The following TYW1 variants were observed in gnomAD, a reference collection of about 807,000 sequenced individuals.
The protein encoded by TYW1 is tRNA-yW synthesizing protein 1 homolog.
TYW1 carries 46 observed loss-of-function variants against 96.2 expected under a neutral mutation model. The observed-to-expected ratio is 0.48, with a 90% confidence interval of 0.38 to 0.61. TYW1 has a LOEUF of 0.61. Among genes scored for constraint, TYW1 ranks in the 20% least tolerant of loss-of-function variants. The pLI is 0.00. For missense variants in TYW1, 684 were observed against 909.6 expected (o/e 0.75, Z 3.19); for synonymous variants, 274 against 323.0 (o/e 0.85, Z 1.63).
At chr7:67,170,762 G>C (rs1799491683) in intron 13 of TYW1, among the ~76,000 whole-genome samples, 1 of 152,114 alleles carries the variant, frequency 6.6e-6, no homozygotes, top group Non-Finnish European at 1.5e-5. Flanking sequence ...TGTGTGTTAC[G>C]TGACTTGCTT....
intron 15 of TYW1, among the ~76,000 whole-genome samples, chr7:67,235,598 G>A (rs1801858709): frequency 6.6e-6 from 1 of 152,114 alleles, no homozygotes; most frequent in South Asian, 2.1e-4. Flanking sequence ...GATTTGTTAA[G>A]AGGTGAGGAA....
chr7:67,046,015 G>T (rs1321068363), intron 7 of TYW1, among the ~76,000 whole-genome samples: 2 of 152,190 alleles, frequency 1.3e-5, no homozygotes, highest in Non-Finnish European at 2.9e-5. Flanking sequence ...CTGGCAAGGA[G>T]ATAGGAAGAA....
intron 15 of TYW1, among the ~76,000 whole-genome samples, chr7:67,198,706 A>G (rs1471151117): frequency 6.6e-6 from 1 of 152,220 alleles, no homozygotes; most frequent in East Asian, 1.9e-4. Context: ...TCCCTAAAAC[A>G]GGTTTGTGAG....
chr7:67,190,003 G>T (rs1268136078), intron 14 of TYW1, among the ~76,000 whole-genome samples: 1 of 151,724 alleles, frequency 6.6e-6, no homozygotes, highest in Non-Finnish European at 1.5e-5. Flanking sequence ...ATTTGTAAAT[G>T]AAATACTGTC....
intron 15 of TYW1, among the ~76,000 whole-genome samples, chr7:67,211,298 T>C (rs1369586525): frequency 6.6e-6 from 1 of 151,872 alleles, no homozygotes; most frequent in Non-Finnish European, 1.5e-5. Flanking sequence ...TTTATGATAG[T>C]GTGAAAGCGA....
At chr7:67,063,844 C>T (rs1269681072) in intron 9 of TYW1, among the ~76,000 whole-genome samples, 5 of 143,300 alleles carry the variant, frequency 3.5e-5, no homozygotes, top group East Asian at 1.9e-4. Flanking sequence ...CCTTGTGATC[C>T]GCCCACCTCA....
intron 9 of TYW1, among the ~76,000 whole-genome samples, chr7:67,063,832 G>A (rs2115649853): frequency 1.3e-5 from 2 of 150,682 alleles, no homozygotes; most frequent in African/African-American, 4.9e-5. Context: ...TTGATCTCCT[G>A]ACCTTGTGAT....
intron 13 of TYW1, among the ~76,000 whole-genome samples, chr7:67,180,424 A>ATATATATT (rs1341437613): frequency 1.2e-3 from 102 of 81,910 alleles, no homozygotes; most frequent in East Asian, 2.3e-3. Context: ...ATATATATAT[A>ATATATATT]ATTTTTTTTT....
intron 11 of TYW1, among the ~76,000 whole-genome samples, chr7:67,084,774 C>G (rs1796497393): frequency 6.6e-6 from 1 of 152,184 alleles, no homozygotes; most frequent in South Asian, 2.1e-4. Flanking sequence ...TTTGGCCTCC[C>G]AAATTGCTGG....
At chr7:67,010,332 G>A (rs1421631673) in intron 4 of TYW1, among the ~76,000 whole-genome samples, 1 of 151,618 alleles carries the variant, frequency 6.6e-6, no homozygotes, top group Non-Finnish European at 1.5e-5. Context: ...TTATTTTATA[G>A]AGACAGGCTC....
intron 10 of TYW1, among the ~76,000 whole-genome samples, chr7:67,068,291 G>C (rs2115677579): frequency 6.6e-6 from 1 of 152,126 alleles, no homozygotes; most frequent in African/African-American, 2.4e-5. Flanking sequence ...CAAAGTGCTG[G>C]GATTACAGGC....
In TYW1 at chr7:67,163,269, A is replaced by G. The variant is rs547155334; in HGVS notation, c.1699-19857A>G. 1.3e-3 allele frequency among the ~76,000 whole-genome samples: 194 copies of G among 152,272 alleles called. 1 individual carries two copies. The highest frequency in any genetic ancestry group is 4.2e-3 in the African/African-American group (175 of 41,564). ...CCCAAAGTGTAAATACCACAGTAGT[A>G]TTTACACTAAAATTCCAGTGGGAAT... On this transcript the variant is annotated intron_variant, in intron 13 of 15. Transcript: ENST00000359626.
chr7:67,011,494 C>A (rs1793793297), intron 4 of TYW1, among the ~76,000 whole-genome samples: 1 of 152,194 alleles, frequency 6.6e-6, no homozygotes, highest in African/African-American at 2.4e-5. Context: ...TGTGAACTTG[C>A]TAGAAATGCA....
chr7:67,118,827 C>T (rs1339988117), intron 13 of TYW1, among the ~76,000 whole-genome samples: 1 of 140,298 alleles, frequency 7.1e-6, no homozygotes, highest in Non-Finnish European at 1.5e-5. Context: ...TTGTAGTGAG[C>T]CGAGATTGCG....
intron 7 of TYW1, among the ~76,000 whole-genome samples, chr7:67,037,237 G>A (rs992517541): frequency 6.6e-6 from 1 of 152,130 alleles, no homozygotes; most frequent in Non-Finnish European, 1.5e-5. Context: ...GCCGGGCGCA[G>A]TGGCTCACAC....
chr7:67,065,959 G>A (rs938987674), intron 9 of TYW1, among the ~76,000 whole-genome samples: 2 of 151,320 alleles, frequency 1.3e-5, no homozygotes, highest in South Asian at 2.1e-4. Flanking sequence ...GCAGTGAGTT[G>A]AGATCACACT....
intron 11 of TYW1, among the ~76,000 whole-genome samples, chr7:67,095,707 G>GCCA (rs1796886486): frequency 7.9e-6 from 1 of 126,600 alleles, no homozygotes; most frequent in Non-Finnish European, 1.7e-5. Flanking sequence ...AACAGCAGCA[G>GCCA]CAGCAGCAGC....
At chr7:67,137,474 A>C (rs760392296) in intron 13 of TYW1, among the ~76,000 whole-genome samples, 1 of 152,182 alleles carries the variant, frequency 6.6e-6, no homozygotes, top group Non-Finnish European at 1.5e-5. Context: ...ATAAAATAAA[A>C]GAGAAAAAAG....
intron 15 of TYW1, among the ~76,000 whole-genome samples, chr7:67,197,874 A>G (rs1424775484): frequency 1.3e-5 from 2 of 151,296 alleles, no homozygotes; most frequent in African/African-American, 4.9e-5. Context: ...ACCTGTTACC[A>G]TTTTTCTGCC....
Sources: gnomAD v4.1 joint callset for allele counts (sites outside exome capture counted in the v4.1 genomes callset) on GRCh38, gnomAD v4.1.1 for gene constraint, MANE v1.5 for transcripts, NCBI Gene and HGNC (gene_info 2026-07-23, HGNC 2026-07-21) for gene names.